The following NRXN1 variants were observed in gnomAD, a reference collection of about 807,000 sequenced individuals.
The protein encoded by NRXN1 is neurexin 1, also known as neurexin-1.
Under a neutral mutation model 150.9 loss-of-function variants are expected in NRXN1, and 39 were observed. That is an observed-to-expected ratio of 0.26 (90% confidence interval 0.20 to 0.34). The LOEUF is 0.34. Among genes scored for constraint, NRXN1 ranks in the 10% least tolerant of loss-of-function variants. The probability of loss-of-function intolerance (pLI) is 1.00; values close to 1 mark genes in which losing one functional copy is unlikely to be tolerated. For missense variants in NRXN1, 1,815 were observed against 1,949.9 expected, an observed-to-expected ratio of 0.93 and a Z score of 1.30; for synonymous variants, 924 against 757.0, an observed-to-expected ratio of 1.22 and a Z score of -3.62.
rs368227212 is a variant in NRXN1, at chr2:50,425,568, C to T, written c.3364+39874G>A. Among the ~76,000 whole-genome samples the T allele has an allele frequency of 6.2e-4, 95 of 152,206 alleles. 1 individual carries two copies. The South Asian group carries it at 7.7e-3, about 12-fold the overall frequency. ...ATTTGGTATTAAAGGCCAACATGAGCCCATAATTATGTACATCTTGATCTT... is the reference window on the plus strand; with the variant it reads ...ATTTGGTATTAAAGGCCAACATGAGTCCATAATTATGTACATCTTGATCTT... On this transcript the variant is annotated intron_variant, in intron 17 of 22. Coordinates refer to ENST00000401669, the MANE Select transcript of NRXN1 (RefSeq NM_001330078.2).
At chr2:50,615,032 G>A (rs1489018165) in intron 8 of NRXN1, among the ~76,000 whole-genome samples, 1 of 152,110 alleles carries the variant, frequency 6.6e-6, no homozygotes, top group Non-Finnish European at 1.5e-5. Flanking sequence ...CCAATAAGGT[G>A]AGGGAAAATG....
At chr2:50,184,084 T>C (rs749607100) in intron 18 of NRXN1, among the ~76,000 whole-genome samples, 2 of 152,066 alleles carry the variant, frequency 1.3e-5, no homozygotes, top group Admixed American at 1.3e-4. Flanking sequence ...GAAGTTTCTT[T>C]AGGTAGTAAT....
intron 18 of NRXN1, among the ~76,000 whole-genome samples, chr2:50,162,426 T>C (rs2059417759): frequency 6.6e-6 from 1 of 152,130 alleles, no homozygotes. Context: ...ACAGAGTAAT[T>C]GCTTCTATTT....
intron 5 of NRXN1, among the ~76,000 whole-genome samples, chr2:50,863,012 G>C (rs1230494000): frequency 1.3e-5 from 2 of 151,996 alleles, no homozygotes; most frequent in Non-Finnish European, 2.9e-5. Context: ...TATAATTCTA[G>C]AGAACAGAAT....
At chr2:50,865,427 T>C (rs1676742162) in intron 5 of NRXN1, among the ~76,000 whole-genome samples, 1 of 151,676 alleles carries the variant, frequency 6.6e-6, no homozygotes, top group Non-Finnish European at 1.5e-5. Context: ...AAAAAGGAAT[T>C]GAGGCTCAAA....
In NRXN1 at chr2:50,076,938, C is replaced by A. The variant is rs566347786; in HGVS notation, c.3718+14385G>T. Among the ~76,000 whole-genome samples, 31 of 152,236 alleles carry A rather than the reference C, an allele frequency of 2.0e-4. 2 individuals are homozygous for A. The South Asian group carries it at 5.0e-3, about 24-fold the overall frequency. On this transcript the variant is annotated intron_variant, in intron 19 of 22. Transcript: ENST00000401669. Reference sequence around the variant, plus strand: ...CTGACCTGGTGAGGACCAACAATAACATTTTATGAATTATTTTTTAGGGGA... The same window carrying A: ...CTGACCTGGTGAGGACCAACAATAAAATTTTATGAATTATTTTTTAGGGGA...
At chr2:50,016,314 C>A (rs1021255817) in intron 21 of NRXN1, among the ~76,000 whole-genome samples, 2 of 151,982 alleles carry the variant, frequency 1.3e-5, no homozygotes, top group East Asian at 1.9e-4. Flanking sequence ...CCTTTCTTTG[C>A]GTTTAGTCAA....
chr2:50,879,067 T>C (rs1045644120), intron 5 of NRXN1, among the ~76,000 whole-genome samples: 8 of 151,960 alleles, frequency 5.3e-5, no homozygotes, highest in African/African-American at 1.9e-4. Context: ...AACTGGCATC[T>C]AAATCAGTTG....
At chr2:50,098,842 T>A (rs1456994667) in intron 18 of NRXN1, among the ~76,000 whole-genome samples, 811 of 9,220 alleles carry the variant, frequency 0.088, 29 homozygotes, top group African/African-American at 0.31. Flanking sequence ...TTTTTTTTTT[T>A]TTTTTTTTTT....
At chr2:50,934,668 T>C (rs989403992) in intron 2 of NRXN1, among the ~76,000 whole-genome samples, 1 of 152,180 alleles carries the variant, frequency 6.6e-6, no homozygotes, top group African/African-American at 2.4e-5. Flanking sequence ...ATCAAGCTAT[T>C]CATATAATGT....
chr2:50,339,787 A>G (rs779504798), intron 17 of NRXN1, among the ~76,000 whole-genome samples: 2 of 152,216 alleles, frequency 1.3e-5, no homozygotes, highest in Non-Finnish European at 2.9e-5. Context: ...ACTAAGTACC[A>G]CAAGGTAATA....
intron 5 of NRXN1, among the ~76,000 whole-genome samples, chr2:50,824,299 TGA>T (rs982419050): frequency 2.0e-5 from 2 of 98,896 alleles, no homozygotes; most frequent in Admixed American, 2.5e-4. Context: ...TCAAACCCTT[TGA>T]GTGTGTGTGT....
chr2:50,276,467 A>T (rs1449153849), intron 17 of NRXN1, among the ~76,000 whole-genome samples: 1 of 152,096 alleles, frequency 6.6e-6, no homozygotes, highest in African/African-American at 2.4e-5. Flanking sequence ...GGCTTGAGAT[A>T]GGAATTCATT....
At chr2:49,981,555 C>T (rs185422592) in intron 21 of NRXN1, among the ~76,000 whole-genome samples, 17 of 152,116 alleles carry the variant, frequency 1.1e-4, no homozygotes, top group African/African-American at 3.6e-4. Flanking sequence ...CCACTTTTCC[C>T]GCTCTTGATA....
At chr2:50,375,240 T>C (rs2080395928) in intron 17 of NRXN1, among the ~76,000 whole-genome samples, 1 of 151,996 alleles carries the variant, frequency 6.6e-6, no homozygotes, top group East Asian at 2.0e-4. Flanking sequence ...CAATTATTCA[T>C]ACCAGGCTTA....
chr2:50,699,275 C>T (rs1001923284), intron 5 of NRXN1, among the ~76,000 whole-genome samples: 1 of 152,180 alleles, frequency 6.6e-6, no homozygotes, highest in Non-Finnish European at 1.5e-5. Flanking sequence ...ATTCACCACC[C>T]AAGGTAGACA....
At chr2:50,547,455 A>T (rs906908106) in intron 9 of NRXN1, 2 of 152,196 alleles carry the variant, frequency 1.3e-5, no homozygotes, top group African/African-American at 4.8e-5. Flanking sequence ...CTCCATTCAC[A>T]GTTTAGCTAA....
At chr2:50,900,923 A>G (rs968198743) in intron 5 of NRXN1, among the ~76,000 whole-genome samples, 24 of 152,078 alleles carry the variant, frequency 1.6e-4, no homozygotes, top group Non-Finnish European at 2.9e-5. Context: ...ATATTGAATT[A>G]CCTCTTCAAT....
At position 50,552,794 on chromosome 2, in the gene NRXN1, A is replaced by G. The variant is rs569617213; in HGVS notation, c.1552T>C (p.Leu518=). Residue 518 remains leucine (L), a synonymous_variant, in exon 9 of 23, where the codon TTA becomes CTA. Coordinates refer to ENST00000401669, the MANE Select transcript of NRXN1 (RefSeq NM_001330078.2). The part of the protein sequence containing the change: ...FRTTEPNGLI[L]FSHGKPRHQK... ...TGTCTTGGCTTGCCATGGCTAAATAAGATGAGGCCATTTGGCTCTGTTGTA... is the reference window on the plus strand; with the variant it reads ...TGTCTTGGCTTGCCATGGCTAAATAGGATGAGGCCATTTGGCTCTGTTGTA... The G allele has an allele frequency of 6.2e-7, 1 of 1,613,970 alleles. No homozygotes were observed. The highest frequency in any genetic ancestry group is 2.2e-5 in the East Asian group (1 of 44,872).
Sources: allele counts gnomAD v4.1 joint callset (sites outside exome capture counted in the v4.1 genomes callset), GRCh38; gene constraint gnomAD v4.1.1; transcripts MANE v1.5; gene names NCBI Gene and HGNC (gene_info 2026-07-23, HGNC 2026-07-21).